The following SLCO4A1 variants were observed in gnomAD, a reference collection of about 807,000 sequenced individuals.
SLCO4A1 encodes colon organic anion transporter.
A neutral mutation model predicts 64.6 loss-of-function variants in SLCO4A1; 51 were observed. That is an observed-to-expected ratio of 0.79 (90% CI 0.63 to 1.00). The LOEUF (loss-of-function observed/expected upper bound fraction) is 1.00. Among genes scored for constraint, SLCO4A1 ranks in the 50% least tolerant of loss-of-function variants. SLCO4A1 has a pLI of 0.00. For synonymous variants in SLCO4A1, 471 were observed against 444.9 expected, an observed-to-expected ratio of 1.06 and a Z score of -0.74; for missense variants, 919 against 980.5, an observed-to-expected ratio of 0.94 and a Z score of 0.84.
downstream of SLCO4A1, among the ~76,000 whole-genome samples, chr20:62,688,270 C>T (rs1418421849): frequency 6.6e-6 from 1 of 152,162 alleles, no homozygotes; most frequent in Non-Finnish European, 1.5e-5. Context: ...GAGAACACCT[C>T]GCCCAGGTCC....
intron 3 of SLCO4A1, 115 bp downstream of exon 3, chr20:62,658,882 G>A (rs1984258619): frequency 3.4e-6 from 3 of 877,840 alleles, no homozygotes; most frequent in Admixed American, 4.3e-5. Flanking sequence ...CAGGTGCTGG[G>A]CACCCCCCGG....
chr20:62,675,240 T>C (rs1401619366), downstream of SLCO4A1, among the ~76,000 whole-genome samples: 1 of 152,094 alleles, frequency 6.6e-6, no homozygotes, highest in African/African-American at 2.4e-5. Context: ...TCATCGGCAT[T>C]GCAAGGCATC....
downstream of SLCO4A1, among the ~76,000 whole-genome samples, chr20:62,688,910 C>T (rs1442641930): frequency 6.6e-6 from 1 of 152,240 alleles, no homozygotes; most frequent in East Asian, 1.9e-4. Context: ...TCCCAATAAA[C>T]CGAACGAGTA....
At chr20:62,660,242 C>T (rs943510773) in intron 3 of SLCO4A1, among the ~76,000 whole-genome samples, 170 bp from the exon 4 acceptor site, 1 of 152,182 alleles carries the variant, frequency 6.6e-6, no homozygotes, top group Non-Finnish European at 1.5e-5. Flanking sequence ...CTTTAGTCTG[C>T]AAGGAAGGGA....
chr20:62,671,807 T>C lies in SLCO4A1; in HGVS notation c.2083T>C (p.Ser695Pro). 6.2e-7 allele frequency: 1 copy of C among 1,613,524 alleles called. No homozygotes were observed. The highest frequency in any genetic ancestry group is 1.1e-5 in the South Asian group (1 of 91,070). ...ACFLYKPLSE[S>P]SDGLETCLPS... ...CTTCTTATACAAGCCCCTGTCGGAGTCTTCAGATGGCCTGGAAACTTGTCT... is the reference window on the plus strand; with the variant it reads ...CTTCTTATACAAGCCCCTGTCGGAGCCTTCAGATGGCCTGGAAACTTGTCT... The change falls in exon 12 of 12, where the codon TCT becomes CCT. Residue 695 changes from serine (S) to proline (P), a missense_variant. Coordinates refer to ENST00000217159, the MANE Select transcript of SLCO4A1 (RefSeq NM_016354.4).
At chr20:62,660,310 T>C in intron 3 of SLCO4A1, 102 bp from the exon 4 acceptor site, 2 of 1,394,708 alleles carry the variant, frequency 1.4e-6, no homozygotes, top group Non-Finnish European at 1.9e-6. Flanking sequence ...AGACAGACCC[T>C]GGAGGTCTGC....
At position 62,644,238 on chromosome 20, in the gene SLCO4A1, T is replaced by C. The variant is rs1980918017; in HGVS notation, c.-97+1685T>C. Among the ~76,000 whole-genome samples the C allele has an allele frequency of 6.6e-6, 1 of 152,204 alleles. No individual in the cohort carries two copies. On this transcript the variant is annotated intron_variant, in intron 1 of 11. Coordinates refer to ENST00000217159, the MANE Select transcript of SLCO4A1 (RefSeq NM_016354.4). This position sits in a 1 kb window ranked among gnomAD's most constrained non-coding sequence, Gnocchi z 5.4. ...GCCAGGGCAGAGGCCGGCCACTCGG[T>C]GAGACCTGGACGCTGACCACAGCCA...
Position 62,668,082 on chromosome 20 carries a change from G to A in SLCO4A1, c.1709G>A (p.Cys570Tyr). The A allele has an allele frequency of 6.2e-7, 1 of 1,613,978 alleles. No individual in the cohort carries two copies. The highest frequency in any genetic ancestry group is 8.5e-7 in the Non-Finnish European group (1 of 1,180,016). ...TTTGGCCATGCCACTGCAGGGAAATGCACTTCAACTTGTCAGAGAAAGCCC... is the reference window on the plus strand; with the variant it reads ...TTTGGCCATGCCACTGCAGGGAAATACACTTCAACTTGTCAGAGAAAGCCC... ...SGFGHATAGK[C>Y]TSTCQRKPLL... The change falls in exon 9 of 12, where the codon TGC becomes TAC. Residue 570 changes from cysteine (C) to tyrosine (Y), a missense_variant. By Grantham distance (194) the Cys-to-Tyr change is radical. Transcript: ENST00000217159.
At chr20:62,679,949 C>A (rs773346331) in intron 2 of SLCO4A1, among the ~76,000 whole-genome samples, 1 of 152,090 alleles carries the variant, frequency 6.6e-6, no homozygotes, top group Admixed American at 6.6e-5. Context: ...CCTTAAAGAC[C>A]CTCTACACGA....
chr20:62,657,366 C>A, intron 2 of SLCO4A1, 116 bp downstream of exon 2: 1 of 1,008,738 alleles, frequency 9.9e-7, no homozygotes, highest in Non-Finnish European at 1.4e-6. Context: ...CCCTTGTCTG[C>A]ATGGCCCTGG....
At chr20:62,659,145 G>A (rs1350823510) in intron 3 of SLCO4A1, among the ~76,000 whole-genome samples, 1 of 152,212 alleles carries the variant, frequency 6.6e-6, no homozygotes, top group Non-Finnish European at 1.5e-5. Context: ...AAGGAGGGGT[G>A]GAGGGAGAGG....
rs375724292 is a variant in SLCO4A1 at position 62,659,757 on chromosome 20, C to T, written c.888-655C>T. Among the ~76,000 whole-genome samples, 7 of 152,350 alleles carry T rather than the reference C, an allele frequency of 4.6e-5. No individual in the cohort carries two copies. The East Asian group carries it at 9.6e-4, about 21-fold the overall frequency. On this transcript the variant is annotated intron_variant, in intron 3 of 11. Transcript: ENST00000217159. ...TCCCTGTGTCCTCTGTCTGTCTCTG[C>T]GGCTCTGCTCCCGGCCTTTGCTGGC...
At position 62,667,823 on chromosome 20, in the gene SLCO4A1, T is replaced by C. The variant is rs199874664; in HGVS notation, c.1551T>C (p.Pro517=). The change falls in exon 8 of 12, where the codon CCT becomes CCC. Residue 517 remains proline (P), a synonymous_variant. Coordinates refer to ENST00000217159, the MANE Select transcript of SLCO4A1 (RefSeq NM_016354.4). ...GCTGCCAGCCAGAACACTACAGCCC[T>C]GTGTGCGGCTCGGACGGCCTCATGT... The part of the protein sequence containing the change: ...ACSCQPEHYS[P]VCGSDGLMYF... 2.5e-6 allele frequency: 4 copies of C among 1,613,236 alleles called. No homozygotes were observed. Among genetic ancestry groups the C allele is most frequent in the African/African-American group, 1.3e-5 (1 of 74,936 alleles).
chr20:62,663,051 C>G (rs893458159), intron 5 of SLCO4A1: 3 of 152,202 alleles, frequency 2.0e-5, no homozygotes, highest in African/African-American at 7.2e-5. Context: ...ACTGGGCTCT[C>G]CCATTTTAAT....
chr20:62,664,681 G>A (rs1037519168), intron 5 of SLCO4A1, among the ~76,000 whole-genome samples: 4 of 152,202 alleles, frequency 2.6e-5, no homozygotes, highest in African/African-American at 9.7e-5. Flanking sequence ...ATAAGTGTGG[G>A]TGTCCCCCAC....
rs190291485 is a variant in SLCO4A1 at position 62,683,140 on chromosome 20, C to T, written n.212-2301C>T. Among the ~76,000 whole-genome samples the T allele has an allele frequency of 1.2e-4, 18 of 152,322 alleles. No individual in the cohort carries two copies. In the East Asian group the frequency reaches 2.7e-3, roughly 23 times the overall value. ...TTTAATCGGCAGCACATTAGAAAGG[C>T]GCATGTGATCACCGTTTAATGACTG... On this transcript the variant is annotated intron_variant and non_coding_transcript_variant, in intron 2 of 2. Transcript: ENST00000466818.
intron 4 of SLCO4A1, 49 bp downstream of exon 4, chr20:62,660,582 T>C: frequency 6.3e-7 from 1 of 1,590,226 alleles, no homozygotes; most frequent in South Asian, 1.1e-5. Context: ...GACTGTCCCT[T>C]AGTCTTCGCG....
At position 62,666,528 on chromosome 20, in the gene SLCO4A1, C is replaced by G. The variant is rs778601596; in HGVS notation, c.1425C>G (p.His475Gln). Reference protein sequence around the residue: ...SLLGILVFSLHCPSVPMAGVT... With the variant: ...SLLGILVFSLQCPSVPMAGVT... ...TGGGCATCCTCGTCTTCTCACTGCA[C>G]TGCCCCAGTGTGCCCATGGCGGGCG... The change falls in exon 7 of 12, where the codon CAC (histidine) becomes CAG (glutamine). Residue 475 changes from histidine (H) to glutamine (Q), a missense_variant. His to Gln is a conservative substitution (Grantham distance 24). Transcript: ENST00000217159. The G allele has an allele frequency of 1.2e-6, 2 of 1,613,410 alleles. No individual in the cohort carries two copies. The highest frequency in any genetic ancestry group is 4.5e-5 in the East Asian group (2 of 44,874).
intron 11 of SLCO4A1, among the ~76,000 whole-genome samples, chr20:62,670,455 A>G (rs1285403300): frequency 6.6e-6 from 1 of 152,186 alleles, no homozygotes; most frequent in Admixed American, 6.5e-5. Context: ...CATGGCCCCA[A>G]AGCACCGGAG....
Sources: gnomAD v4.1 joint callset for allele counts (sites outside exome capture counted in the v4.1 genomes callset) on GRCh38, gnomAD v4.1.1 for gene constraint, Gnocchi (gnomAD v3.1) non-coding constraint, MANE v1.5 for transcripts, NCBI Gene and HGNC (gene_info 2026-07-23, HGNC 2026-07-21) for gene names.